The following MB21D2 variants were observed in gnomAD, a reference collection of about 807,000 sequenced individuals.
MB21D2 encodes Mab-21 domain containing 2.
A neutral mutation model predicts 33.3 loss-of-function variants in MB21D2; 9 were observed. That is an observed-to-expected ratio of 0.27 (90% CI 0.16 to 0.47). The LOEUF is 0.47. Ranked by LOEUF, MB21D2 falls within the 20% of genes least tolerant of loss-of-function variation. The probability of loss-of-function intolerance (pLI) is 0.99; values close to 1 mark genes in which losing one functional copy is unlikely to be tolerated. For missense variants in MB21D2, 540 were observed against 624.6 expected, an observed-to-expected ratio of 0.86 and a Z score of 1.44; for synonymous variants, 241 against 236.3, an observed-to-expected ratio of 1.02 and a Z score of -0.18.
At chr3:192,874,365 C>G (rs1383951664) in intron 1 of MB21D2, among the ~76,000 whole-genome samples, 2 of 152,166 alleles carry the variant, frequency 1.3e-5, no homozygotes, top group Non-Finnish European at 2.9e-5. Context: ...CTCCAAAGCT[C>G]TATCACTAAC....
intron 1 of MB21D2, among the ~76,000 whole-genome samples, chr3:192,906,773 C>T (rs1051458031): frequency 6.6e-6 from 1 of 152,220 alleles, no homozygotes; most frequent in African/African-American, 2.4e-5. Flanking sequence ...CTACTCTGTG[C>T]ACTTACATAG....
At chr3:192,842,046 A>G (rs964861648) in intron 1 of MB21D2, among the ~76,000 whole-genome samples, 5 of 151,982 alleles carry the variant, frequency 3.3e-5, no homozygotes, top group Non-Finnish European at 7.4e-5. Flanking sequence ...AGGGTGCTTG[A>G]GCAAGGAGAT....
intron 1 of MB21D2, among the ~76,000 whole-genome samples, chr3:192,865,125 C>T (rs537977802): frequency 3.1e-4 from 47 of 152,290 alleles, no homozygotes; most frequent in African/African-American, 1.1e-3. Flanking sequence ...ATGAGGATGT[C>T]AGTGTGTCGC....
chr3:192,849,316 T>TGGGGGG (rs66792694), intron 1 of MB21D2, among the ~76,000 whole-genome samples: 2 of 92,146 alleles, frequency 2.2e-5, no homozygotes, highest in African/African-American at 4.0e-5. Flanking sequence ...TCTCTTTTTT[T>TGGGGGG]GGGGGGGGGG....
At chr3:192,829,647 A>G (rs766295635) in intron 1 of MB21D2, among the ~76,000 whole-genome samples, 3 of 151,264 alleles carry the variant, frequency 2.0e-5, no homozygotes, top group Non-Finnish European at 4.4e-5. Context: ...AAATATTGAG[A>G]CAGGATCTCG....
At chr3:192,852,730 G>C (rs917908399) in intron 1 of MB21D2, among the ~76,000 whole-genome samples, 2 of 152,158 alleles carry the variant, frequency 1.3e-5, no homozygotes, top group Admixed American at 6.5e-5. Flanking sequence ...GCCAGAAGCA[G>C]GTGAAGGTCA....
intron 1 of MB21D2, among the ~76,000 whole-genome samples, chr3:192,877,369 C>CT (rs68170568): frequency 0.17 from 25,221 of 151,972 alleles, 3,597 homozygotes; most frequent in African/African-American, 0.39. Context: ...TGAAGTTGAA[C>CT]TTCCAAATAA....
intron 1 of MB21D2, among the ~76,000 whole-genome samples, chr3:192,822,588 A>G (rs559568942): frequency 3.5e-4 from 54 of 152,250 alleles, no homozygotes; most frequent in Non-Finnish European, 6.2e-4. Flanking sequence ...ACTTAGAAAG[A>G]GTCTGACCTA....
chr3:192,867,646 A>C (rs575009955), intron 1 of MB21D2, among the ~76,000 whole-genome samples: 1 of 152,290 alleles, frequency 6.6e-6, no homozygotes, highest in South Asian at 2.1e-4. Flanking sequence ...TGGTCACGGC[A>C]GGTGAAAGAT....
rs920229797 is a variant in MB21D2 at position 192,870,067 on chromosome 3, A to G, written c.211+47563T>C. Among the ~76,000 whole-genome samples, 5 of 152,346 alleles carry G rather than the reference A, an allele frequency of 3.3e-5. No homozygotes were observed. The South Asian group carries it at 1.0e-3, about 32-fold the overall frequency. The stretch of plus-strand genomic sequence containing the variant: ...AATAAGGCTAATAATTATCATCATG[A>G]AATAAATTACACAACCAAATACGGA... On this transcript the variant is annotated intron_variant, in intron 1 of 1. Coordinates refer to ENST00000392452, the MANE Select transcript of MB21D2 (RefSeq NM_178496.4).
intron 1 of MB21D2, among the ~76,000 whole-genome samples, chr3:192,909,966 A>AAAAAG (rs1553863068): frequency 3.0e-5 from 4 of 132,228 alleles, no homozygotes; most frequent in Non-Finnish European, 6.5e-5. Context: ...AAAAAAAAGA[A>AAAAAG]AGAGAGAGAG....
At chr3:192,858,842 G>A (rs767053748) in intron 1 of MB21D2, among the ~76,000 whole-genome samples, 4 of 152,152 alleles carry the variant, frequency 2.6e-5, no homozygotes, top group Non-Finnish European at 4.4e-5. Context: ...TGCAATATAG[G>A]CTCTATTTAC....
intron 1 of MB21D2, among the ~76,000 whole-genome samples, chr3:192,910,973 G>C (rs1714339785): frequency 6.6e-6 from 1 of 152,176 alleles, no homozygotes; most frequent in Admixed American, 6.5e-5. Context: ...AACACATGAA[G>C]TACATATAAT....
chr3:192,824,356 T>A (rs893292767), intron 1 of MB21D2, among the ~76,000 whole-genome samples: 1 of 152,102 alleles, frequency 6.6e-6, no homozygotes, highest in Non-Finnish European at 1.5e-5. Flanking sequence ...AGTTGGAGTT[T>A]ATAGAAAATA....
At position 192,797,756 on chromosome 3, in the gene MB21D2, C is replaced by G. The variant is rs868354631; in HGVS notation, c.*630G>C. 1 of 152,520 alleles carries G rather than the reference C, an allele frequency of 6.6e-6. No individual in the cohort carries two copies. The highest frequency in any genetic ancestry group is 6.5e-5 in the Admixed American group (1 of 15,270). 9.4% of individuals were successfully genotyped at this position (152,520 alleles called of 1,614,324 possible). ...CTGTCAAAGACACCCTTCAAACCAC[C>G]CAGTGTTCTCTGATTTGAGGACAAT... On this transcript the variant is annotated 3_prime_UTR_variant, in exon 2 of 2. Transcript: ENST00000392452.
chr3:192,849,348 C>T (rs1210691546), intron 1 of MB21D2, among the ~76,000 whole-genome samples: 3 of 147,984 alleles, frequency 2.0e-5, no homozygotes, highest in South Asian at 2.2e-4. Flanking sequence ...GGTGGAGTCT[C>T]GCTCTGTTGC....
At chr3:192,816,223 T>A (rs77910864) in intron 1 of MB21D2, among the ~76,000 whole-genome samples, 26,455 of 150,706 alleles carry the variant, frequency 0.18, 3,349 homozygotes, top group African/African-American at 0.36. Context: ...TTTTTTTTTT[T>A]AAAAAAAAAG....
chr3:192,906,884 T>C (rs1714226543), intron 1 of MB21D2, among the ~76,000 whole-genome samples: 1 of 152,236 alleles, frequency 6.6e-6, no homozygotes, highest in South Asian at 2.1e-4. Context: ...ACACACACTG[T>C]AGATATTCAA....
At chr3:192,859,288 C>T (rs1397775887) in intron 1 of MB21D2, among the ~76,000 whole-genome samples, 1 of 152,170 alleles carries the variant, frequency 6.6e-6, no homozygotes, top group Non-Finnish European at 1.5e-5. Flanking sequence ...GAAGAGAGTA[C>T]ACACACAGAT....
Sources: allele counts gnomAD v4.1 joint callset (sites outside exome capture counted in the v4.1 genomes callset), GRCh38; gene constraint gnomAD v4.1.1; transcripts MANE v1.5; gene names NCBI Gene and HGNC (gene_info 2026-07-23, HGNC 2026-07-21).